The following DNAI7 variants were observed in gnomAD, a reference collection of about 807,000 sequenced individuals.
The protein encoded by DNAI7 is dynein axonemal intermediate chain 7, also known as cancer susceptibility 1.
Under a neutral mutation model 86.6 loss-of-function variants are expected in DNAI7, and 78 were observed. That is an observed-to-expected ratio of 0.90 (90% CI 0.75 to 1.09). DNAI7 has a LOEUF of 1.09. Among genes scored for constraint, DNAI7 ranks in the 50% least tolerant of loss-of-function variants. The pLI, the probability that DNAI7 is intolerant of heterozygous loss-of-function variation, is 0.00. For missense variants in DNAI7, 753 were observed against 810.2 expected, an observed-to-expected ratio of 0.93 and a Z score of 0.86; for synonymous variants, 274 against 273.0, an observed-to-expected ratio of 1.00 and a Z score of -0.04.
chr12:25,121,833 T>C lies in DNAI7; in HGVS notation c.1159A>G (p.Thr387Ala), dbSNP rs1264172870. 4 of 1,605,402 alleles carry C rather than the reference T, an allele frequency of 2.5e-6. No individual in the cohort carries two copies. The African/African-American group carries it at 5.4e-5, about 22-fold the overall frequency. ...TCCAAGTGGTATACTCCACCCAGAG[T>C]TGTGAACTGGCATAAATCCACCACA... ...DNVVDLCQFTTLGGVYHLDIL... is the reference protein window; with the variant it reads ...DNVVDLCQFTALGGVYHLDIL... Residue 387 changes from threonine to alanine, a missense_variant, in exon 11 of 16, where the codon ACT (threonine) becomes GCT (alanine). Physicochemically the swap from Thr to Ala is moderately conservative, Grantham distance 58 (BLOSUM62 0). Transcript: ENST00000395987.
chr12:25,182,637 C>CACACA (rs1244349000), intron 2 of DNAI7, among the ~76,000 whole-genome samples: 1 of 151,334 alleles, frequency 6.6e-6, no homozygotes, highest in East Asian at 1.9e-4. Context: ...CACACACACA[C>CACACA]AAGCCAGATG....
intron 3 of DNAI7, among the ~76,000 whole-genome samples, chr12:25,158,992 T>A (rs1946535066): frequency 6.6e-6 from 1 of 152,238 alleles, no homozygotes; most frequent in Non-Finnish European, 1.5e-5. Flanking sequence ...TTGATGAGAC[T>A]GAAAACCAGT....
At chr12:25,127,512 G>T (rs1258865676) in intron 9 of DNAI7, among the ~76,000 whole-genome samples, 2 of 152,014 alleles carry the variant, frequency 1.3e-5, no homozygotes, top group Non-Finnish European at 2.9e-5. Flanking sequence ...TACTTCAATT[G>T]TATTAAATTT....
intron 1 of DNAI7, chr12:25,194,753 A>T: frequency 1.2e-6 from 1 of 824,662 alleles, no homozygotes; most frequent in Non-Finnish European, 1.9e-6. Context: ...AAGAAAATTT[A>T]GTGGGAACGT....
intron 9 of DNAI7, among the ~76,000 whole-genome samples, chr12:25,135,192 T>C (rs1191547290): frequency 6.6e-6 from 1 of 152,118 alleles, no homozygotes; most frequent in Non-Finnish European, 1.5e-5. Flanking sequence ...CAAACACACA[T>C]CCTCACTGGA....
intron 8 of DNAI7, among the ~76,000 whole-genome samples, chr12:25,146,370 G>T (rs755629293): frequency 6.6e-6 from 1 of 152,050 alleles, no homozygotes; most frequent in Non-Finnish European, 1.5e-5. Context: ...GCCGAGGCAG[G>T]CTGATCACTT....
At chr12:25,161,407 A>C (rs1946825505) in intron 2 of DNAI7, among the ~76,000 whole-genome samples, 1 of 152,222 alleles carries the variant, frequency 6.6e-6, no homozygotes, top group Non-Finnish European at 1.5e-5. Flanking sequence ...ATAAGAATAT[A>C]AATTATTCAA....
intron 6 of DNAI7, among the ~76,000 whole-genome samples, chr12:25,152,375 C>G (rs1431401559): frequency 1.3e-5 from 2 of 152,180 alleles, no homozygotes; most frequent in African/African-American, 4.8e-5. Context: ...TTTAATCAAG[C>G]ATGCCTACAT....
chr12:25,114,360 A>T (rs1236742062), intron 13 of DNAI7, among the ~76,000 whole-genome samples: 1 of 151,832 alleles, frequency 6.6e-6, no homozygotes, highest in Admixed American at 6.6e-5. Flanking sequence ...TGGATCAAAA[A>T]CTCTGAAATT....
intron 1 of DNAI7, among the ~76,000 whole-genome samples, chr12:25,193,655 C>G (rs1177984439): frequency 6.7e-6 from 1 of 149,760 alleles, no homozygotes; most frequent in Non-Finnish European, 1.5e-5. Flanking sequence ...CCATGGGCCA[C>G]ACTTTGAGAA....
intron 2 of DNAI7, among the ~76,000 whole-genome samples, chr12:25,174,509 G>GAT (rs1170977430): frequency 1.2e-5 from 1 of 81,810 alleles, no homozygotes; most frequent in African/African-American, 5.8e-5. Context: ...ATATATATGG[G>GAT]ATATATATAT....
At chr12:25,107,697 A>T, downstream of DNAI7, 1 of 861,828 alleles carries the variant, frequency 1.2e-6, no homozygotes, top group Non-Finnish European at 1.8e-6. Context: ...CATAATATGT[A>T]GATTAAAAGG....
At chr12:25,167,227 T>C (rs1287891965) in intron 2 of DNAI7, among the ~76,000 whole-genome samples, 1 of 152,168 alleles carries the variant, frequency 6.6e-6, no homozygotes, top group African/African-American at 2.4e-5. Context: ...TCCTTTCCAT[T>C]GTGGAAATCT....
intron 9 of DNAI7, among the ~76,000 whole-genome samples, chr12:25,134,314 G>A (rs1943278662): frequency 6.8e-6 from 1 of 147,116 alleles, no homozygotes; most frequent in Admixed American, 6.8e-5. Flanking sequence ...GATAAAATGT[G>A]CATCTTGCCA....
At chr12:25,155,078 T>C (rs1945991296) in intron 5 of DNAI7, among the ~76,000 whole-genome samples, 1 of 152,216 alleles carries the variant, frequency 6.6e-6, no homozygotes, top group Non-Finnish European at 1.5e-5. Context: ...TAAGTATACA[T>C]TCCCAGCAAT....
intron 12 of DNAI7, 140 bp from the exon 13 acceptor site, chr12:25,115,010 C>T (rs547951536): frequency 4.8e-6 from 3 of 631,550 alleles, no homozygotes; most frequent in African/African-American, 1.8e-5. Context: ...AGGCCAGCTT[C>T]GCTGAGAGAT....
At chr12:25,115,587 T>C (rs1417103278) in intron 12 of DNAI7, among the ~76,000 whole-genome samples, 1 of 152,170 alleles carries the variant, frequency 6.6e-6, no homozygotes, top group Non-Finnish European at 1.5e-5. Context: ...ATGATCAACA[T>C]TATTAGTAAT....
At chr12:25,129,368 C>T (rs1374759362) in intron 9 of DNAI7, among the ~76,000 whole-genome samples, 1 of 152,062 alleles carries the variant, frequency 6.6e-6, no homozygotes, top group Non-Finnish European at 1.5e-5. Flanking sequence ...TCCCGAGGGC[C>T]AGAATGGTGC....
At chr12:25,167,839 GACCCCTCACA>G (rs567708441) in intron 2 of DNAI7, among the ~76,000 whole-genome samples, 224 of 152,060 alleles carry the variant, frequency 1.5e-3, no homozygotes, top group African/African-American at 5.1e-3. Context: ...CACATATTTG[GACCCCTCACA>G]ACACAAACTA....
Sources: gnomAD v4.1 joint callset for allele counts (sites outside exome capture counted in the v4.1 genomes callset) on GRCh38, gnomAD v4.1.1 for gene constraint, MANE v1.5 for transcripts, NCBI Gene and HGNC (gene_info 2026-07-23, HGNC 2026-07-21) for gene names.